The following MAST3 variants were observed in gnomAD, a reference collection of about 807,000 sequenced individuals.
MAST3 encodes microtubule associated serine/threonine kinase 3.
In MAST3, 43 loss-of-function variants were observed where a neutral mutation model predicts 127.0. The observed-to-expected ratio is 0.34, with a 90% confidence interval of 0.27 to 0.44. The LOEUF (loss-of-function observed/expected upper bound fraction) is 0.44, where lower values mean the gene tolerates loss of function less well. Ranked by LOEUF, MAST3 falls within the 20% of genes least tolerant of loss-of-function variation. MAST3 has a pLI of 1.00. For missense variants in MAST3, 1,390 were observed against 1,919.1 expected, an observed-to-expected ratio of 0.72 and a Z score of 5.15; for synonymous variants, 785 against 809.2, an observed-to-expected ratio of 0.97 and a Z score of 0.51.
At chr19:18,133,805 C>T (rs1235644267) in intron 15 of MAST3, among the ~76,000 whole-genome samples, 6 of 152,034 alleles carry the variant, frequency 3.9e-5, no homozygotes, top group South Asian at 4.1e-4. Flanking sequence ...CTGCCGGCTT[C>T]GGCCTCCCAA....
At position 18,124,257 on chromosome 19, in the gene MAST3, T is replaced by TC. The variant is rs745844438; in HGVS notation, c.844-3dup. ...CCTGTGGGTGATGCCACGACCCACC[T>TC]CCCCCAGGCCCATGAGCGTTCGGAC... On this transcript the variant is annotated splice_polypyrimidine_tract_variant and splice_region_variant and intron_variant, in intron 9 of 27. Transcript: ENST00000687212. The TC allele has an allele frequency of 6.2e-7, 1 of 1,601,264 alleles. No individual in the cohort carries two copies. Among genetic ancestry groups the TC allele is most frequent in the South Asian group, 1.1e-5 (1 of 88,884 alleles).
chr19:18,138,729 C>T (rs1424222764), intron 19 of MAST3, among the ~76,000 whole-genome samples: 1 of 151,952 alleles, frequency 6.6e-6, no homozygotes, highest in Non-Finnish European at 1.5e-5. Flanking sequence ...AAACTCCTGA[C>T]CTCAAGTGAG....
In MAST3 at chr19:18,130,542, CAAG is replaced by C; in HGVS notation, c.1277_1279del (p.Lys426del). ...GTGACACACGGCAGCGCTTTGCCAT[CAAG>C]AAGATCAACAAACAGAACTTGATCC... On this transcript the variant is annotated inframe_deletion, in exon 14 of 28. Transcript: ENST00000687212. The C allele has an allele frequency of 6.2e-7, 1 of 1,611,646 alleles. No individual in the cohort carries two copies. The highest frequency in any genetic ancestry group is 8.5e-7 in the Non-Finnish European group (1 of 1,178,776).
intron 3 of MAST3, among the ~76,000 whole-genome samples, chr19:18,120,366 G>A (rs1392802031): frequency 1.3e-5 from 2 of 152,120 alleles, no homozygotes; most frequent in African/African-American, 4.8e-5. Context: ...CTGATTTGCT[G>A]GTGCTGCTGG....
At position 18,147,642 on chromosome 19, in the gene MAST3, C is replaced by A; in HGVS notation, c.3508+18C>A. The A allele has an allele frequency of 1.3e-6, 2 of 1,500,568 alleles. No individual in the cohort carries two copies. Among genetic ancestry groups the A allele is most frequent in the South Asian group, 1.3e-5 (1 of 77,558 alleles). The allele number at this position is 1,500,568 out of a possible 1,614,324, so 93.0% of individuals were successfully genotyped here. ...CCCAGCAGGTGGGTGCACCCCGACC[C>A]CCCACCACCCCGGCTACCCTGGGAG... On this transcript the variant is annotated intron_variant, in intron 27 of 27. Coordinates refer to ENST00000687212, the MANE Select transcript of MAST3 (RefSeq NM_001393504.1).
Position 18,120,498 on chromosome 19 carries a change from A to G in MAST3, c.162-1187A>G, listed in dbSNP as rs1194996632. Among the ~76,000 whole-genome samples, 5 of 152,262 alleles carry G rather than the reference A, an allele frequency of 3.3e-5. No individual in the cohort carries two copies. The Middle Eastern group carries it at 0.014, about 414-fold the overall frequency. ...CATCAGGCTAGAAGCACTTCATGCCATTGCTGTTAATAACAACACTGCCAA... is the reference window on the plus strand; with the variant it reads ...CATCAGGCTAGAAGCACTTCATGCCGTTGCTGTTAATAACAACACTGCCAA... On this transcript the variant is annotated intron_variant, in intron 3 of 27. Transcript: ENST00000687212.
chr19:18,151,087 C>T lies in MAST3; in HGVS notation c.*1361C>T, dbSNP rs1334413753. 2 of 152,206 alleles carry T rather than the reference C, an allele frequency of 1.3e-5. No homozygotes were observed. The highest frequency in any genetic ancestry group is 2.9e-5 in the Non-Finnish European group (2 of 68,034). The allele number at this position is 152,206 out of a possible 1,614,324, so 9.4% of individuals were successfully genotyped here. A position where few individuals can be genotyped will look rare whatever the true frequency, so the allele number is the denominator to read the frequency against. ...TAGGGGTTCCCTCCATATGTCAGAGCCTCTCTGGGATGAAGTTCAAGCCAG... is the reference window on the plus strand; with the variant it reads ...TAGGGGTTCCCTCCATATGTCAGAGTCTCTCTGGGATGAAGTTCAAGCCAG... On this transcript the variant is annotated 3_prime_UTR_variant, in exon 28 of 28. Coordinates refer to ENST00000687212, the MANE Select transcript of MAST3 (RefSeq NM_001393504.1).
intron 11 of MAST3, 130 bp from the exon 12 acceptor site, chr19:18,128,270 C>T (rs1599781787): frequency 3.0e-6 from 2 of 663,058 alleles, no homozygotes; most frequent in East Asian, 5.5e-5. Flanking sequence ...ATGACAGTGT[C>T]ATGAGAGCTG....
At chr19:18,107,040 T>C (rs1445472757) in intron 1 of MAST3, among the ~76,000 whole-genome samples, 1 of 132,440 alleles carries the variant, frequency 7.6e-6, no homozygotes, top group Non-Finnish European at 1.6e-5. Context: ...AGTTTCAAAC[T>C]CCTGAACTCA....
rs2040212994 is a variant in MAST3 at position 18,123,300 on chromosome 19, C to A, written c.483C>A (p.Phe161Leu). The A allele has an allele frequency of 6.2e-7, 1 of 1,613,904 alleles. No homozygotes were observed. Among genetic ancestry groups the A allele is most frequent in the Non-Finnish European group, 8.5e-7 (1 of 1,179,898 alleles). ...AGCTGCACTTCCTGTCCAAGCACTT[C>A]CGCAGCTCAGAGAATGTGCTTGATG... The part of the protein sequence containing the change: ...PDELHFLSKH[F>L]RSSENVLDEE... The change falls in exon 7 of 28, where the codon TTC becomes TTA. Residue 161 changes from phenylalanine (F) to leucine (L), a missense_variant. Physicochemically the swap from Phe to Leu is conservative, Grantham distance 22. Coordinates refer to ENST00000687212, the MANE Select transcript of MAST3 (RefSeq NM_001393504.1).
In MAST3 at chr19:18,128,380, C is replaced by G. The variant is rs1373869274; in HGVS notation, c.1079-20C>G. The G allele has an allele frequency of 1.9e-6, 3 of 1,541,288 alleles. No homozygotes were observed. The highest frequency in any genetic ancestry group is 2.6e-6 in the Non-Finnish European group (3 of 1,145,592). On this transcript the variant is annotated intron_variant, in intron 11 of 27. Transcript: ENST00000687212. ...GTGAGGCAGGGAGGCTCCAGCTGAG[C>G]CTCCTCCCTCATCTTGCAGAGATGG...
chr19:18,114,814 C>G (rs1321380894), intron 3 of MAST3, among the ~76,000 whole-genome samples: 1 of 152,092 alleles, frequency 6.6e-6, no homozygotes, highest in Non-Finnish European at 1.5e-5. Context: ...CCTTCTGGAG[C>G]CTCAAATCCC....
At position 18,145,763 on chromosome 19, in the gene MAST3, C is replaced by T. The variant is rs1019073917; in HGVS notation, c.3060C>T (p.Pro1020=). 11 of 1,586,568 alleles carry T rather than the reference C, an allele frequency of 6.9e-6. No individual in the cohort carries two copies. The highest frequency in any genetic ancestry group is 5.6e-5 in the Admixed American group (3 of 53,664). ...CCCAGAGTGTGGAGGACGGAAGCCC[C>T]GCCCAGGAGGCGGGCCTGCGGGCTG... ...HVVWSVEDGS[P]AQEAGLRAGD... The change falls in exon 25 of 28, where the codon CCC becomes CCT. Residue 1020 remains proline (P), a synonymous_variant. Transcript: ENST00000687212. The surrounding 1 kb of genome is among the most constrained non-coding windows in gnomAD (Gnocchi z 5.9).
At position 18,130,650 on chromosome 19, in the gene MAST3, C is replaced by G; in HGVS notation, c.1380C>G (p.Phe460Leu). 1 of 1,614,098 alleles carries G rather than the reference C, an allele frequency of 6.2e-7. No homozygotes were observed. The highest frequency in any genetic ancestry group is 8.5e-7 in the Non-Finnish European group (1 of 1,179,986). ...FAENPFVVSM[F>L]CSFETRRHLC... Reference sequence around the variant, plus strand: ...AGAACCCCTTTGTGGTCAGCATGTTCTGCTCCTTTGAGACCCGGCGCCACC... The same window carrying G: ...AGAACCCCTTTGTGGTCAGCATGTTGTGCTCCTTTGAGACCCGGCGCCACC... Residue 460 changes from phenylalanine (F) to leucine (L), a missense_variant, in exon 14 of 28, where the codon TTC (phenylalanine) becomes TTG (leucine). This residue lies in a region of MAST3 where 191 missense variants were observed against 409.0 expected (regional missense o/e 0.47). Coordinates refer to ENST00000687212, the MANE Select transcript of MAST3 (RefSeq NM_001393504.1).
chr19:18,148,113 C>A (rs1463607884), intron 27 of MAST3, among the ~76,000 whole-genome samples: 1 of 152,046 alleles, frequency 6.6e-6, no homozygotes, highest in Non-Finnish European at 1.5e-5. Flanking sequence ...ACCAGCCTGG[C>A]CAACATGGAG....
At chr19:18,103,857 C>G (rs935947574) in intron 1 of MAST3, among the ~76,000 whole-genome samples, 1 of 152,050 alleles carries the variant, frequency 6.6e-6, no homozygotes, top group Non-Finnish European at 1.5e-5. Context: ...GCAAGTGGGA[C>G]CCCCCACCAG....
chr19:18,109,674 C>CT (rs1032553975), intron 2 of MAST3, among the ~76,000 whole-genome samples: 2 of 151,990 alleles, frequency 1.3e-5, no homozygotes, highest in African/African-American at 4.8e-5. Flanking sequence ...GGAGGAGGGG[C>CT]TGGTGGGGTT....
chr19:18,143,595 G>A (rs1262879910), intron 21 of MAST3, among the ~76,000 whole-genome samples, 168 bp from the exon 22 acceptor site: 1 of 152,088 alleles, frequency 6.6e-6, no homozygotes, highest in Non-Finnish European at 1.5e-5. Context: ...AGGTGAATAA[G>A]CGGTCTCCAG....
Position 18,149,901 on chromosome 19 carries a change from G to GA in MAST3, c.*175_*176insA. On this transcript the variant is annotated 3_prime_UTR_variant, in exon 28 of 28. Transcript: ENST00000687212. This position sits in a 1 kb window ranked among gnomAD's most constrained non-coding sequence, Gnocchi z 5.9. Reference sequence around the variant, plus strand: ...ATCGCTTGTGTTCTGGTGTCAATCGGGGCTGGATGGGGCAAGAATGGGGGA... The same window carrying GA: ...ATCGCTTGTGTTCTGGTGTCAATCGGAGGCTGGATGGGGCAAGAATGGGGGA... The GA allele has an allele frequency of 4.0e-6, 3 of 750,142 alleles. No individual in the cohort carries two copies. The highest frequency in any genetic ancestry group is 3.6e-5 in the African/African-American group (2 of 55,002). 46.5% of individuals were successfully genotyped at this position (750,142 alleles called of 1,614,324 possible).
Sources: gnomAD v4.1 joint callset for allele counts (sites outside exome capture counted in the v4.1 genomes callset) on GRCh38, gnomAD v4.1.1 for gene constraint, gnomAD v4.1.1 regional missense constraint, Gnocchi (gnomAD v3.1) non-coding constraint, MANE v1.5 for transcripts, NCBI Gene and HGNC (gene_info 2026-07-23, HGNC 2026-07-21) for gene names.